REV3L: variants seen among roughly 807,000 people sequenced by gnomAD.
REV3L encodes the protein REV3 like, DNA directed polymerase zeta catalytic subunit.
Under a neutral mutation model 299.4 loss-of-function variants are expected in REV3L, and 69 were observed. That is an observed-to-expected ratio of 0.23 (90% CI 0.19 to 0.28). The LOEUF (loss-of-function observed/expected upper bound fraction) is 0.28. Ranked by LOEUF, REV3L falls within the 10% of genes least tolerant of loss-of-function variation. The pLI, the probability that REV3L is intolerant of heterozygous loss-of-function variation, is 1.00. For synonymous variants in REV3L, 1,238 were observed against 1,271.4 expected, an observed-to-expected ratio of 0.97 and a Z score of 0.56; for missense variants, 3,128 against 3,693.8, an observed-to-expected ratio of 0.85 and a Z score of 3.97.
In REV3L at chr6:111,356,516, T is replaced by C. The variant is rs376773450; in HGVS notation, c.7184+498A>G. 2.6e-5 allele frequency among the ~76,000 whole-genome samples: 4 copies of C among 152,278 alleles called. No homozygotes were observed. The South Asian group carries it at 6.2e-4, about 24-fold the overall frequency. Reference sequence around the variant, plus strand: ...AGAGTATGTAATAGATAATCCTACATTTATGAACAGATAAATTTATACAGA... The same window carrying C: ...AGAGTATGTAATAGATAATCCTACACTTATGAACAGATAAATTTATACAGA... On this transcript the variant is annotated intron_variant, in intron 18 of 31. Transcript: ENST00000368802.
chr6:111,373,261 A>T lies in REV3L; in HGVS notation c.5094T>A (p.Ser1698Arg), dbSNP rs1264948536. The T allele has an allele frequency of 4.3e-6, 7 of 1,613,912 alleles. No individual in the cohort carries two copies. The highest frequency in any genetic ancestry group is 5.9e-6 in the Non-Finnish European group (7 of 1,180,000). Residue 1698 changes from serine to arginine, a missense_variant, in exon 13 of 32, where the codon AGT (serine) becomes AGA (arginine). By Grantham distance (110) the Ser-to-Arg change is moderately radical. Coordinates refer to ENST00000368802, the MANE Select transcript of REV3L (RefSeq NM_001372078.1). ...GQAIEKNEFL[S>R]HDNQKCDEDK... Reference sequence around the variant, plus strand: ...CTTCATCACATTTCTGGTTGTCATGACTTAAAAACTCATTTTTTTCTATAG... The same window carrying T: ...CTTCATCACATTTCTGGTTGTCATGTCTTAAAAACTCATTTTTTTCTATAG...
At chr6:111,310,631 T>G (rs1464077630) in intron 29 of REV3L, 3 of 155,970 alleles carry the variant, frequency 1.9e-5, no homozygotes, top group African/African-American at 7.2e-5. Context: ...GGCGACAGAG[T>G]GAGACCCTGC....
chr6:111,336,078 A>G (rs1225163438), intron 21 of REV3L, among the ~76,000 whole-genome samples: 1 of 152,018 alleles, frequency 6.6e-6, no homozygotes, highest in Non-Finnish European at 1.5e-5. Flanking sequence ...AAAAAGAGTA[A>G]TTTGGTGAAG....
chr6:111,470,595 C>A (rs1399717334), intron 1 of REV3L, among the ~76,000 whole-genome samples: 1 of 152,138 alleles, frequency 6.6e-6, no homozygotes, highest in Non-Finnish European at 1.5e-5. Flanking sequence ...AATAACATGG[C>A]TTCTATTTTC....
intron 25 of REV3L, among the ~76,000 whole-genome samples, chr6:111,327,285 G>A (rs1774931591): frequency 6.6e-6 from 1 of 152,096 alleles, no homozygotes; most frequent in African/African-American, 2.4e-5. Context: ...AAAGGATTTG[G>A]GACAAGCATG....
intron 20 of REV3L, among the ~76,000 whole-genome samples, chr6:111,346,176 C>T (rs1777002646): frequency 6.6e-6 from 1 of 152,170 alleles, no homozygotes; most frequent in Admixed American, 6.5e-5. Context: ...TCAACCAGTG[C>T]ACCAAAGATG....
intron 31 of REV3L, among the ~76,000 whole-genome samples, chr6:111,303,165 C>CTTTCTTTTTTTTTTTTTTTTTTTTTT (rs4038141): frequency 6.5e-5 from 6 of 92,338 alleles, no homozygotes; most frequent in Non-Finnish European, 1.3e-4. Flanking sequence ...TCTTTTCTTT[C>CTTTCTTTTTTTTTTTTTTTTTTTTTT]TTTTTTTTTT....
At position 111,374,934 on chromosome 6, in the gene REV3L, C is replaced by G. The variant is rs369096996; in HGVS notation, c.3421G>C (p.Ala1141Pro). ...AGCATTGCCTCTTTTTCTGCAGCAGCCATGATTTCTTCAGCTCTTGGATCT... is the reference window on the plus strand; with the variant it reads ...AGCATTGCCTCTTTTTCTGCAGCAGGCATGATTTCTTCAGCTCTTGGATCT... ...PTDPRAEEIM[A>P]AAEKEAMLFK... is the part of the protein sequence containing the mutation. Residue 1141 changes from alanine (A) to proline (P), a missense_variant, in exon 13 of 32, where the codon GCT (alanine) becomes CCT (proline). By Grantham distance (27) the Ala-to-Pro change is conservative. Transcript: ENST00000368802. The G allele has an allele frequency of 6.2e-7, 1 of 1,612,794 alleles. No individual in the cohort carries two copies. The highest frequency in any genetic ancestry group is 1.1e-5 in the South Asian group (1 of 90,636).
At chr6:111,361,867 G>A (rs1039106107) in intron 16 of REV3L, among the ~76,000 whole-genome samples, 1 of 152,164 alleles carries the variant, frequency 6.6e-6, no homozygotes, top group Non-Finnish European at 1.5e-5. Context: ...AGTTTGGAAT[G>A]TGCCTTGAGA....
intron 4 of REV3L, among the ~76,000 whole-genome samples, chr6:111,396,746 T>C (rs1170751225): frequency 6.6e-6 from 1 of 152,076 alleles, no homozygotes; most frequent in East Asian, 1.9e-4. Context: ...CCCAGGCTGG[T>C]CTTGACCTCC....
chr6:111,322,192 AG>A (rs1774262161), intron 26 of REV3L, among the ~76,000 whole-genome samples: 2 of 152,336 alleles, frequency 1.3e-5, no homozygotes, highest in African/African-American at 4.8e-5. Flanking sequence ...CTTCAAAAAC[AG>A]TTTATTTTAA....
chr6:111,437,012 C>T (rs1290330994), intron 1 of REV3L, among the ~76,000 whole-genome samples: 2 of 152,274 alleles, frequency 1.3e-5, no homozygotes, highest in East Asian at 3.9e-4. Context: ...TTAAAAGATT[C>T]TCAACATCAG....
chr6:111,304,120 A>G (rs1220425211), intron 31 of REV3L, among the ~76,000 whole-genome samples: 2 of 150,186 alleles, frequency 1.3e-5, no homozygotes, highest in Non-Finnish European at 3.0e-5. Flanking sequence ...TATAATGTTT[A>G]CAATTTCCAT....
At chr6:111,413,508 T>A (rs546060949) in intron 2 of REV3L, among the ~76,000 whole-genome samples, 39 of 152,198 alleles carry the variant, frequency 2.6e-4, no homozygotes, top group African/African-American at 8.9e-4. Context: ...AAGGTCATGA[T>A]CCTATCTCTT....
chr6:111,376,540 A>G lies in REV3L; in HGVS notation c.1815T>C (p.Asn605=), dbSNP rs746599787. The G allele has an allele frequency of 1.2e-6, 2 of 1,611,634 alleles. No homozygotes were observed. The highest frequency in any genetic ancestry group is 2.2e-5 in the South Asian group (2 of 90,454). Residue 605 remains asparagine, a synonymous_variant, in exon 13 of 32, where the codon AAT becomes AAC. Coordinates refer to ENST00000368802, the MANE Select transcript of REV3L (RefSeq NM_001372078.1). ...LIEDLSQTNK[N]TEKGLDNSVT... is the part of the protein sequence containing the mutation. Reference sequence around the variant, plus strand: ...CTGAGTTATCTAGACCTTTTTCTGTATTTTTGTTTGTCTGTGAAAGGTCTT... The same window carrying G: ...CTGAGTTATCTAGACCTTTTTCTGTGTTTTTGTTTGTCTGTGAAAGGTCTT...
chr6:111,354,797 T>C lies in REV3L; in HGVS notation c.7184+2217A>G, dbSNP rs540365510. 2.9e-4 allele frequency among the ~76,000 whole-genome samples: 44 copies of C among 152,188 alleles called. No individual in the cohort carries two copies. In the South Asian group the frequency reaches 2.9e-3, roughly 10 times the overall value. ...AAACAACCCAAAACTGTGGATAAAA[T>C]AGAAGCAGAAGAAATAGGTAAATGG... On this transcript the variant is annotated intron_variant, in intron 18 of 31. Transcript: ENST00000368802.
intron 19 of REV3L, among the ~76,000 whole-genome samples, chr6:111,351,393 A>G (rs1252444837): frequency 1.3e-5 from 2 of 152,212 alleles, no homozygotes; most frequent in East Asian, 3.8e-4. Context: ...ATAAAAATGG[A>G]ATATACGGTA....
Position 111,333,328 on chromosome 6 carries a change from T to C in REV3L, c.7720A>G (p.Met2574Val). 6.2e-7 allele frequency: 1 copy of C among 1,614,068 alleles called. No homozygotes were observed. Among genetic ancestry groups the C allele is most frequent in the Non-Finnish European group, 8.5e-7 (1 of 1,179,992 alleles). ...CTAGGTGTCACAGGAATATAGTTCA[T>C]TGGTTTAGCAATACGCAACATCATT... Reference protein sequence around the residue: ...ESMMLRIAKPMNYIPVTPSVQ... With the variant: ...ESMMLRIAKPVNYIPVTPSVQ... The change falls in exon 23 of 32, where the codon ATG becomes GTG. Residue 2574 changes from methionine to valine, a missense_variant. Physicochemically the swap from Met to Val is conservative, Grantham distance 21. Transcript: ENST00000368802.
At chr6:111,378,133 T>A (rs1780492017) in intron 11 of REV3L, among the ~76,000 whole-genome samples, 2 of 152,296 alleles carry the variant, frequency 1.3e-5, no homozygotes, top group South Asian at 4.1e-4. Context: ...AATTCCTGCA[T>A]TCTGAATTGG....
Sources: gnomAD v4.1 joint callset for allele counts (sites outside exome capture counted in the v4.1 genomes callset) on GRCh38, gnomAD v4.1.1 for gene constraint, MANE v1.5 for transcripts, NCBI Gene and HGNC (gene_info 2026-07-23, HGNC 2026-07-21) for gene names.